CLNK: variants seen among roughly 807,000 people sequenced by gnomAD.
The protein encoded by CLNK is cytokine-dependent hematopoietic cell linker.
A neutral mutation model predicts 68.6 loss-of-function variants in CLNK; 74 were observed. The ratio of observed to expected loss-of-function variants is 1.08; its 90% CI spans 0.89 to 1.31. The LOEUF (loss-of-function observed/expected upper bound fraction) is 1.31, where lower values mean the gene tolerates loss of function less well. Ranked by LOEUF, CLNK falls within the 50% of genes most tolerant of loss-of-function variation. CLNK has a pLI of 0.00. For missense variants in CLNK, 553 were observed against 515.3 expected (o/e 1.07, Z -0.71); for synonymous variants, 198 against 172.2 (o/e 1.15, Z -1.17).
At chr4:10,567,547 A>G (rs1414617439) in intron 5 of CLNK, among the ~76,000 whole-genome samples, 1 of 152,236 alleles carries the variant, frequency 6.6e-6, no homozygotes, top group African/African-American at 2.4e-5. Context: ...ATAGAACAAA[A>G]AAATACAAGC....
intron 18 of CLNK, among the ~76,000 whole-genome samples, chr4:10,491,781 A>T (rs974779518): frequency 6.6e-6 from 1 of 151,704 alleles, no homozygotes; most frequent in South Asian, 2.1e-4. Flanking sequence ...TTTTTTTTTT[A>T]ATTTCAACAG....
chr4:10,692,285 A>C, the CLNK span, among the ~76,000 whole-genome samples: 3 of 152,318 alleles, frequency 2.0e-5, 1 homozygote, highest in Middle Eastern at 6.8e-3. Context: ...ACAGCTCATA[A>C]ACTACTGGGC....
At chr4:10,531,603 G>A in intron 12 of CLNK, 6 of 374,810 alleles carry the variant, frequency 1.6e-5, no homozygotes, top group South Asian at 1.2e-4. Flanking sequence ...CACCACACCT[G>A]GCTAATTTTG....
At chr4:10,672,839 G>C (rs1014045551) in intron 1 of CLNK, among the ~76,000 whole-genome samples, 3 of 152,174 alleles carry the variant, frequency 2.0e-5, no homozygotes, top group Admixed American at 6.5e-5. Flanking sequence ...CTGACTGGCA[G>C]CTTGTCAGTG....
At chr4:10,510,226 G>GC in intron 16 of CLNK, among the ~76,000 whole-genome samples, 1 of 152,180 alleles carries the variant, frequency 6.6e-6, no homozygotes, top group East Asian at 1.9e-4. Flanking sequence ...AGAATCACTT[G>GC]CGGGGGGAGG....
intron 18 of CLNK, among the ~76,000 whole-genome samples, chr4:10,496,060 T>C (rs1716799043): frequency 1.3e-5 from 2 of 152,316 alleles, no homozygotes; most frequent in East Asian, 3.9e-4. Flanking sequence ...ACTGCAAAGT[T>C]TCTGGGGAAG....
chr4:10,732,863 T>C, the CLNK span, among the ~76,000 whole-genome samples: 1 of 152,292 alleles, frequency 6.6e-6, no homozygotes, highest in Middle Eastern at 3.4e-3. Flanking sequence ...CAATTATATC[T>C]GCTAATATAT....
chr4:10,724,310 C>T, the CLNK span, among the ~76,000 whole-genome samples: 12 of 152,212 alleles, frequency 7.9e-5, no homozygotes, highest in South Asian at 2.1e-4. Context: ...TTGTTGCTCA[C>T]ATGTCCCGCT....
intron 12 of CLNK, among the ~76,000 whole-genome samples, chr4:10,529,731 C>T (rs997082444): frequency 1.3e-5 from 2 of 152,132 alleles, no homozygotes; most frequent in Non-Finnish European, 2.9e-5. Flanking sequence ...AGTGATTGCT[C>T]TCAGGCTTGT....
At chr4:10,712,631 G>A in the CLNK span, among the ~76,000 whole-genome samples, 3,652 of 152,324 alleles carry the variant, frequency 0.024, 74 homozygotes, top group Admixed American at 0.065. Flanking sequence ...GGCATAAGCA[G>A]AAGTTAAATG....
intron 15 of CLNK, among the ~76,000 whole-genome samples, chr4:10,519,107 T>C (rs189400447): frequency 6.3e-4 from 96 of 152,302 alleles, no homozygotes; most frequent in African/African-American, 2.1e-3. Context: ...CAGGAACTAA[T>C]GAAGCCTCAA....
intron 2 of CLNK, among the ~76,000 whole-genome samples, chr4:10,650,814 A>G (rs1723699302): frequency 6.6e-6 from 1 of 152,222 alleles, no homozygotes; most frequent in South Asian, 2.1e-4. Flanking sequence ...GCAAAAGGCT[A>G]ATATCCAGAA....
intron 4 of CLNK, among the ~76,000 whole-genome samples, chr4:10,579,073 G>C (rs887661538): frequency 6.6e-6 from 1 of 152,192 alleles, no homozygotes; most frequent in Non-Finnish European, 1.5e-5. Context: ...ACAGCCCCAT[G>C]CACTTTCTTT....
At chr4:10,645,158 A>T (rs948509216) in intron 2 of CLNK, among the ~76,000 whole-genome samples, 3 of 152,100 alleles carry the variant, frequency 2.0e-5, no homozygotes, top group African/African-American at 7.2e-5. Flanking sequence ...CTGGGATTCC[A>T]CTCCAGCCTT....
intron 5 of CLNK, among the ~76,000 whole-genome samples, chr4:10,566,701 G>C (rs1164285992): frequency 2.1e-4 from 32 of 152,164 alleles, no homozygotes; most frequent in Admixed American, 2.0e-3. Context: ...TTAAGAAAAT[G>C]GGCTAGGTGC....
At chr4:10,701,600 T>C in the CLNK span, among the ~76,000 whole-genome samples, 2 of 152,312 alleles carry the variant, frequency 1.3e-5, no homozygotes, top group East Asian at 1.9e-4. Context: ...AGGAACCTGA[T>C]AATATGCAGG....
the CLNK span, among the ~76,000 whole-genome samples, chr4:10,727,463 T>C: frequency 3.2e-4 from 48 of 152,250 alleles, no homozygotes; most frequent in Non-Finnish European, 2.2e-4. Context: ...GGGGTCAGTC[T>C]AATTAAATTC....
At chr4:10,680,345 C>T (rs192521905) in intron 1 of CLNK, among the ~76,000 whole-genome samples, 18 of 126,618 alleles carry the variant, frequency 1.4e-4, no homozygotes, top group Admixed American at 2.1e-4. Context: ...GGAAGGGGAA[C>T]ATCACACACT....
chr4:10,731,026 A>G, the CLNK span, among the ~76,000 whole-genome samples: 1 of 152,234 alleles, frequency 6.6e-6, no homozygotes, highest in Non-Finnish European at 1.5e-5. Flanking sequence ...TAATCAAATC[A>G]AGGTATTTAA....
Sources: gnomAD v4.1 joint callset for allele counts (sites outside exome capture counted in the v4.1 genomes callset) on GRCh38, gnomAD v4.1.1 for gene constraint, MANE v1.5 for transcripts, NCBI Gene and HGNC (gene_info 2026-07-23, HGNC 2026-07-21) for gene names.